The following LTBP1 variants were observed in gnomAD, a reference collection of about 807,000 sequenced individuals.
LTBP1 encodes the protein latent-transforming growth factor beta-binding protein 1.
In LTBP1, 129 loss-of-function variants were observed where a neutral mutation model predicts 207.6. The ratio of observed to expected loss-of-function variants is 0.62; its 90% CI spans 0.54 to 0.72. The LOEUF is 0.72. Ranked by LOEUF, LTBP1 falls within the 30% of genes least tolerant of loss-of-function variation. The probability of loss-of-function intolerance (pLI) is 0.00; values close to 1 mark genes in which losing one functional copy is unlikely to be tolerated. For missense variants in LTBP1, 2,281 were observed against 2,217.2 expected (o/e 1.03, Z -0.58); for synonymous variants, 963 against 833.7 (o/e 1.16, Z -2.67).
chr2:33,046,826 C>G (rs1407758688), intron 3 of LTBP1, among the ~76,000 whole-genome samples: 2 of 152,086 alleles, frequency 1.3e-5, no homozygotes, highest in Admixed American at 6.5e-5. Flanking sequence ...TGACTTCTTC[C>G]TGGTTTAGTC....
chr2:33,322,989 C>T (rs748579522), intron 24 of LTBP1, among the ~76,000 whole-genome samples: 25 of 152,056 alleles, frequency 1.6e-4, no homozygotes, highest in Admixed American at 3.3e-4. Context: ...CCAGTGAGAT[C>T]GGGATTGTTT....
At chr2:33,377,174 C>T (rs1393862095) in intron 31 of LTBP1, among the ~76,000 whole-genome samples, 6 of 152,306 alleles carry the variant, frequency 3.9e-5, no homozygotes, top group African/African-American at 1.2e-4. Context: ...GAAGACAGAG[C>T]TCTGGAGGAG....
At chr2:33,037,736 G>A (rs2075993517) in intron 3 of LTBP1, among the ~76,000 whole-genome samples, 1 of 151,828 alleles carries the variant, frequency 6.6e-6, no homozygotes, top group Non-Finnish European at 1.5e-5. Flanking sequence ...TTATTTTTTT[G>A]AGAAAAGGCC....
intron 5 of LTBP1, among the ~76,000 whole-genome samples, chr2:33,180,491 ACT>A (rs2086512055): frequency 6.9e-6 from 1 of 144,578 alleles, no homozygotes; most frequent in Non-Finnish European, 1.5e-5. Context: ...TCACTCTGTC[ACT>A]GAGGCTGGAG....
At chr2:33,240,140 G>A (rs552210605) in intron 9 of LTBP1, among the ~76,000 whole-genome samples, 50 of 152,140 alleles carry the variant, frequency 3.3e-4, no homozygotes, top group African/African-American at 1.2e-3. Flanking sequence ...ATAGAATTAC[G>A]GTTTACCATT....
At chr2:33,197,307 C>T (rs2088674239) in intron 7 of LTBP1, among the ~76,000 whole-genome samples, 1 of 152,148 alleles carries the variant, frequency 6.6e-6, no homozygotes, top group African/African-American at 2.4e-5. Context: ...TCTGTGCTAC[C>T]TGGAGTAAGT....
At chr2:33,009,590 G>A (rs1258729819) in intron 2 of LTBP1, among the ~76,000 whole-genome samples, 1 of 152,212 alleles carries the variant, frequency 6.6e-6, no homozygotes, top group African/African-American at 2.4e-5. Context: ...ATCTAGGAGA[G>A]AAGGATGAAT....
chr2:33,334,948 A>G (rs542293668), intron 24 of LTBP1, among the ~76,000 whole-genome samples: 31 of 151,148 alleles, frequency 2.1e-4, no homozygotes, highest in Non-Finnish European at 4.1e-4. Context: ...GCATGGCAGC[A>G]TACACCTGTG....
chr2:33,085,804 T>G (rs1484142294), intron 3 of LTBP1, among the ~76,000 whole-genome samples: 2 of 152,180 alleles, frequency 1.3e-5, no homozygotes, highest in Non-Finnish European at 2.9e-5. Context: ...CATTTTAGAC[T>G]TTTTGGCCCT....
At chr2:33,090,776 A>C (rs188754586) in intron 3 of LTBP1, among the ~76,000 whole-genome samples, 1 of 152,324 alleles carries the variant, frequency 6.6e-6, no homozygotes, top group Non-Finnish European at 1.5e-5. Context: ...TCTAAAGTCC[A>C]ACTATAATAA....
In LTBP1 at chr2:32,972,888, C is replaced by T. The variant is rs74889381; in HGVS notation, c.565+23943C>T. Among the ~76,000 whole-genome samples the T allele has an allele frequency of 2.6e-3, 401 of 152,266 alleles. 1 individual carries two copies. Among genetic ancestry groups the T allele is most frequent in the African/African-American group, 8.0e-3 (331 of 41,568 alleles). On this transcript the variant is annotated intron_variant, in intron 2 of 33. Coordinates refer to ENST00000404816, the MANE Select transcript of LTBP1 (RefSeq NM_206943.4). ...GTCAATTAAACCTCCTTTGTTTATA[C>T]GTTACCCAGTCTCAGGTAGTATCGT...
In LTBP1 at chr2:33,353,369, G is replaced by C. The variant is rs138153563; in HGVS notation, c.4000+5859G>C. Among the ~76,000 whole-genome samples, 5 of 152,228 alleles carry C rather than the reference G, an allele frequency of 3.3e-5. No individual in the cohort carries two copies. The East Asian group carries it at 9.7e-4, about 29-fold the overall frequency. ...TGTCACACATTCCCCAAATCCCCAA[G>C]ATGGAATTACAGGATTCTGCCTCTC... On this transcript the variant is annotated intron_variant, in intron 26 of 33. Transcript: ENST00000404816.
In LTBP1 at chr2:33,399,443, T is replaced by TCTTTTCCAGAAGAC. The variant is rs1424572272; in HGVS notation, c.*901_*902insTTCCAGAAGACCTT. 4.6e-5 allele frequency: 7 copies of TCTTTTCCAGAAGAC among 152,238 alleles called. No individual in the cohort carries two copies. Among genetic ancestry groups the TCTTTTCCAGAAGAC allele is most frequent in the African/African-American group, 1.7e-4 (7 of 41,468 alleles). 9.4% of individuals were successfully genotyped at this position (152,238 alleles called of 1,614,324 possible). ...TCCCCACTTTTATCTTTTCCAGTGG[T>TCTTTTCCAGAAGAC]CTTCTGTTAATGTAGTGTCTTTTAC... On this transcript the variant is annotated 3_prime_UTR_variant, in exon 34 of 34. Transcript: ENST00000404816.
chr2:33,109,281 T>C (rs2080250073), intron 3 of LTBP1, among the ~76,000 whole-genome samples: 1 of 152,250 alleles, frequency 6.6e-6, no homozygotes, highest in Admixed American at 6.5e-5. Context: ...CCTTTTGCAC[T>C]GACTGCCATG....
intron 3 of LTBP1, among the ~76,000 whole-genome samples, chr2:33,074,604 T>A (rs1038552985): frequency 1.3e-5 from 2 of 152,138 alleles, no homozygotes; most frequent in Non-Finnish European, 2.9e-5. Context: ...GCACAGTGGC[T>A]CACGCCTGTA....
At chr2:32,981,521 A>G (rs1682761878) in intron 2 of LTBP1, among the ~76,000 whole-genome samples, 1 of 152,182 alleles carries the variant, frequency 6.6e-6, no homozygotes, top group South Asian at 2.1e-4. Context: ...TTTACTTGTT[A>G]AGATGGAATG....
chr2:33,122,680 A>G (rs2081205726), intron 4 of LTBP1, among the ~76,000 whole-genome samples: 1 of 152,234 alleles, frequency 6.6e-6, no homozygotes, highest in African/African-American at 2.4e-5. Flanking sequence ...AATGAAGTTC[A>G]ACAGCATTTC....
intron 24 of LTBP1, among the ~76,000 whole-genome samples, chr2:33,340,795 T>C (rs2094609569): frequency 6.6e-6 from 1 of 152,348 alleles, no homozygotes; most frequent in African/African-American, 2.4e-5. Context: ...TTTTGTTTAA[T>C]GCTCACAGTA....
At chr2:33,230,772 G>A (rs1200393283) in intron 9 of LTBP1, among the ~76,000 whole-genome samples, 1 of 152,140 alleles carries the variant, frequency 6.6e-6, no homozygotes, top group Non-Finnish European at 1.5e-5. Flanking sequence ...AGTACTTGGG[G>A]AATCAGTCTG....
Sources: allele counts gnomAD v4.1 joint callset (sites outside exome capture counted in the v4.1 genomes callset), GRCh38; gene constraint gnomAD v4.1.1; transcripts MANE v1.5; gene names NCBI Gene and HGNC (gene_info 2026-07-23, HGNC 2026-07-21).